KCNA6: variants seen among roughly 807,000 people sequenced by gnomAD.
KCNA6 encodes potassium voltage-gated channel subfamily A member 6.
Under a neutral mutation model 29.5 loss-of-function variants are expected in KCNA6, and 17 were observed. The observed-to-expected ratio is 0.58, with a 90% CI of 0.39 to 0.86. KCNA6 has a LOEUF of 0.86. KCNA6 is among the 40% of genes least tolerant of loss of function. The probability of loss-of-function intolerance (pLI) is 0.00; values close to 1 mark genes in which losing one functional copy is unlikely to be tolerated. For synonymous variants in KCNA6, 296 were observed against 304.7 expected, an observed-to-expected ratio of 0.97 and a Z score of 0.30; for missense variants, 450 against 703.4, an observed-to-expected ratio of 0.64 and a Z score of 4.07.
chr12:4,848,369 A>G, the KCNA6 span, among the ~76,000 whole-genome samples: 6,643 of 152,018 alleles, frequency 0.044, 471 homozygotes, highest in African/African-American at 0.15. Flanking sequence ...GTAAAATGCT[A>G]TTTCTCCAGG....
the KCNA6 span, among the ~76,000 whole-genome samples, chr12:4,828,058 A>C: frequency 6.6e-6 from 1 of 151,982 alleles, no homozygotes; most frequent in African/African-American, 2.4e-5. Context: ...CACCAGAGAC[A>C]CTCAGTGTTG....
At chr12:4,845,544 G>C in the KCNA6 span, among the ~76,000 whole-genome samples, 1 of 152,172 alleles carries the variant, frequency 6.6e-6, no homozygotes, top group Admixed American at 6.5e-5. Flanking sequence ...AGAAAAAACA[G>C]AGGATGCCTG....
At chr12:4,816,359 T>A (rs1946682874), downstream of KCNA6, among the ~76,000 whole-genome samples, 1 of 151,982 alleles carries the variant, frequency 6.6e-6, no homozygotes, top group Admixed American at 6.6e-5. Context: ...CTCTTTTTTC[T>A]TTTTTTCCTC....
chr12:4,809,744 A>G (rs758533), exon 1 of KCNA6: 179,157 of 324,020 alleles, frequency 0.55, 50,288 homozygotes, highest in Middle Eastern at 0.64. Context: ...CGGGCAGCCA[A>G]TTTCACACGC....
the KCNA6 span, among the ~76,000 whole-genome samples, chr12:4,822,150 A>G: frequency 3.3e-5 from 5 of 152,058 alleles, no homozygotes; most frequent in Non-Finnish European, 7.4e-5. Context: ...GTCAGTTTTA[A>G]TTGTGCCCCT....
At chr12:4,840,374 A>T in the KCNA6 span, among the ~76,000 whole-genome samples, 1 of 152,202 alleles carries the variant, frequency 6.6e-6, no homozygotes, top group Admixed American at 6.5e-5. Context: ...GTCAATAAGC[A>T]CATGAAAAAA....
At chr12:4,827,240 CT>C in the KCNA6 span, among the ~76,000 whole-genome samples, 1 of 148,098 alleles carries the variant, frequency 6.8e-6, no homozygotes, top group African/African-American at 2.5e-5. Context: ...TCCTTCCTTC[CT>C]TCCCTCCTTC....
chr12:4,839,289 C>G, the KCNA6 span: 1 of 152,296 alleles, frequency 6.6e-6, no homozygotes, highest in African/African-American at 2.4e-5. Flanking sequence ...TCTTCCTCCT[C>G]TCCTCAGCCT....
At chr12:4,848,834 C>T in the KCNA6 span, among the ~76,000 whole-genome samples, 2 of 152,138 alleles carry the variant, frequency 1.3e-5, no homozygotes, top group Admixed American at 6.5e-5. Flanking sequence ...ATAAAAATTA[C>T]GGTGCATTCA....
chr12:4,844,873 T>G, the KCNA6 span, among the ~76,000 whole-genome samples: 1 of 152,242 alleles, frequency 6.6e-6, no homozygotes, highest in African/African-American at 2.4e-5. This position sits in a 1 kb window ranked among gnomAD's most constrained non-coding sequence, Gnocchi z 4.0. Flanking sequence ...CTTGTAAACA[T>G]TTTGTTAATA....
chr12:4,849,489 C>CTTTTTTTTTT, the KCNA6 span, among the ~76,000 whole-genome samples: 9 of 101,432 alleles, frequency 8.9e-5, 1 homozygote, highest in African/African-American at 3.5e-4. Context: ...GATTTTTGCT[C>CTTTTTTTTTT]TTTTTTTTTT....
At chr12:4,832,927 AG>A in the KCNA6 span, among the ~76,000 whole-genome samples, 60,930 of 151,718 alleles carry the variant, frequency 0.4, 12,819 homozygotes, top group Middle Eastern at 0.53. Flanking sequence ...CCCTCACCTC[AG>A]GGGGGTCAAC....
downstream of KCNA6, chr12:4,813,422 T>A (rs1193017702): frequency 3.6e-5 from 6 of 167,162 alleles, no homozygotes; most frequent in Non-Finnish European, 8.8e-5. Context: ...GTTATCCCCA[T>A]ACCCCCATAG....
the KCNA6 span, among the ~76,000 whole-genome samples, chr12:4,830,079 C>T: frequency 6.6e-6 from 1 of 152,178 alleles, no homozygotes; most frequent in African/African-American, 2.4e-5. Context: ...CTCTTTCTTC[C>T]CCTTCTCAGC....
Position 4,810,999 on chromosome 12 carries a change from G to A in KCNA6, c.958G>A (p.Glu320Lys), listed in dbSNP as rs1465316213. The A allele has an allele frequency of 2.5e-6, 4 of 1,614,238 alleles. No homozygotes were observed. Among genetic ancestry groups the A allele is most frequent in the South Asian group, 1.1e-5 (1 of 91,090 alleles). The change falls in exon 1 of 1, where the codon GAG (glutamate) becomes AAG (lysine). Residue 320 changes from glutamate to lysine, a missense_variant. By Grantham distance (56) the Glu-to-Lys change is moderately conservative (BLOSUM62 1). Coordinates refer to ENST00000280684, the Ensembl canonical transcript of KCNA6. This position sits in a 1 kb window ranked among gnomAD's most constrained non-coding sequence, Gnocchi z 7.5. ...GGGCACTGAGCTGGTGCAGCAGCAG[G>A]AGCAGCAACCAGCCAGTGGAGGAGG...
At chr12:4,815,224 G>A (rs73044796), downstream of KCNA6, among the ~76,000 whole-genome samples, 13,532 of 152,078 alleles carry the variant, frequency 0.089, 883 homozygotes, top group Admixed American at 0.22. Flanking sequence ...TGTTGACGTC[G>A]AGGTCGCACA....
the KCNA6 span, among the ~76,000 whole-genome samples, chr12:4,830,556 G>A: frequency 6.6e-6 from 1 of 152,176 alleles, no homozygotes; most frequent in Non-Finnish European, 1.5e-5. Flanking sequence ...ACCCGGTAAC[G>A]GCATCTGCCC....
the KCNA6 span, among the ~76,000 whole-genome samples, chr12:4,827,163 T>TCCCTCCTTCCCTCCTTCTTTCCCTCCTC: frequency 7.3e-6 from 1 of 136,228 alleles, no homozygotes; most frequent in Non-Finnish European, 1.6e-5. Context: ...GTTCTTTCCT[T>TCCCTCCTTCCCTCCTTCTTTCCCTCCTC]CCCTCCTTCT....
chr12:4,842,849 G>A, the KCNA6 span, among the ~76,000 whole-genome samples: 3,709 of 152,262 alleles, frequency 0.024, 61 homozygotes, highest in Non-Finnish European at 0.036. Context: ...GAAAGTATCA[G>A]TCTGGCCACA....
Sources: gnomAD v4.1 joint callset for allele counts (sites outside exome capture counted in the v4.1 genomes callset) on GRCh38, gnomAD v4.1.1 for gene constraint, Gnocchi (gnomAD v3.1) non-coding constraint, MANE v1.5 for transcripts, NCBI Gene and HGNC (gene_info 2026-07-23, HGNC 2026-07-21) for gene names.